The following ZNF780B variants were observed in gnomAD, a reference collection of about 807,000 sequenced individuals.
The protein encoded by ZNF780B is zinc finger protein 779.
Under a neutral mutation model 74.1 loss-of-function variants are expected in ZNF780B, and 52 were observed. That is an observed-to-expected ratio of 0.70 (90% CI 0.56 to 0.88). ZNF780B has a LOEUF of 0.88. Ranked by LOEUF, ZNF780B falls within the 40% of genes least tolerant of loss-of-function variation. The pLI is 0.00. For synonymous variants in ZNF780B, 315 were observed against 324.3 expected (o/e 0.97, Z 0.31); for missense variants, 953 against 1,007.6 (o/e 0.95, Z 0.73).
chr19:40,032,294 T>C lies in ZNF780B; in HGVS notation c.*2063A>G. 2.7e-6 allele frequency: 1 copy of C among 365,326 alleles called. No homozygotes were observed. The highest frequency in any genetic ancestry group is 2.2e-5 in the South Asian group (1 of 46,192). 22.6% of individuals were successfully genotyped at this position (365,326 alleles called of 1,614,324 possible). ...TAGGGCTACACTTCTGTAGGTTTAC[T>C]AAGTTCCACAGGGGATTCTGATACC... On this transcript the variant is annotated 3_prime_UTR_variant, in exon 5 of 5. Coordinates refer to ENST00000434248, the MANE Select transcript of ZNF780B (RefSeq NM_001005851.3).
intron 1 of ZNF780B, among the ~76,000 whole-genome samples, chr19:40,053,187 G>C (rs1179697759): frequency 3.3e-5 from 5 of 152,020 alleles, no homozygotes; most frequent in African/African-American, 7.2e-5. Context: ...ATCTAATAAG[G>C]GGTTAATATC....
chr19:40,041,414 T>C (rs1428876656), intron 4 of ZNF780B, among the ~76,000 whole-genome samples: 49 of 152,338 alleles, frequency 3.2e-4, no homozygotes, highest in Admixed American at 2.3e-3. Context: ...TGTAGATATC[T>C]ATTAGGTCTG....
At position 40,034,750 on chromosome 19, in the gene ZNF780B, C is replaced by CCTACACT; in HGVS notation, c.2102_2108dup (p.Lys704ValfsTer2). 6.2e-7 allele frequency: 1 copy of CCTACACT among 1,613,874 alleles called. No individual in the cohort carries two copies. The highest frequency in any genetic ancestry group is 8.5e-7 in the Non-Finnish European group (1 of 1,179,960). ...GCTGGTAATGATATCTAAAGGTCTT[C>CCTACACT]CTACACTCCTTACATACAAAGGGTT... On this transcript the variant is annotated stop_gained and frameshift_variant, in exon 5 of 5. Transcript: ENST00000434248. LOFTEE classifies it high-confidence loss of function.
chr19:40,056,169 C>G lies in ZNF780B; in HGVS notation c.-46+20G>C, dbSNP rs912307238. On this transcript the variant is annotated intron_variant, in intron 1 of 4. Transcript: ENST00000434248. Reference sequence around the variant, plus strand: ...ACCTCCCGCAGCCACCGATTTCTTCCTAGGACGTGAAGACCTTACCCAGCT... The same window carrying G: ...ACCTCCCGCAGCCACCGATTTCTTCGTAGGACGTGAAGACCTTACCCAGCT... 2 of 152,272 alleles carry G rather than the reference C, an allele frequency of 1.3e-5. No individual in the cohort carries two copies. Among genetic ancestry groups the G allele is most frequent in the South Asian group, 4.1e-4 (2 of 4,838 alleles). 9.4% of individuals were successfully genotyped at this position (152,272 alleles called of 1,614,324 possible). A position where few individuals can be genotyped will look rare whatever the true frequency, so the allele number is the denominator to read the frequency against.
chr19:40,040,447 C>G (rs368314009), intron 4 of ZNF780B, among the ~76,000 whole-genome samples: 1 of 152,184 alleles, frequency 6.6e-6, no homozygotes, highest in Non-Finnish European at 1.5e-5. Context: ...GGAGGATTCC[C>G]TCTTTTTCTA....
intron 1 of ZNF780B, 97 bp from the exon 2 acceptor site, chr19:40,050,474 A>C: frequency 8.4e-7 from 1 of 1,188,466 alleles, no homozygotes. Context: ...TTTCTCAACT[A>C]CTCCTGCTCA....
chr19:40,054,616 G>C (rs1427307313), intron 1 of ZNF780B, among the ~76,000 whole-genome samples: 1 of 152,184 alleles, frequency 6.6e-6, no homozygotes, highest in Non-Finnish European at 1.5e-5. Context: ...TATTCCCAAT[G>C]CTCCTGTCCT....
chr19:40,049,248 A>G (rs533640123), intron 2 of ZNF780B, among the ~76,000 whole-genome samples: 1 of 151,438 alleles, frequency 6.6e-6, no homozygotes, highest in South Asian at 2.1e-4. Flanking sequence ...AAAAAAAAAA[A>G]AAAAAAAAAA....
rs370134508 is a variant in ZNF780B at position 40,050,351 on chromosome 19, T to C, written c.-19A>G. 19 of 1,592,650 alleles carry C rather than the reference T, an allele frequency of 1.2e-5. No homozygotes were observed. The highest frequency in any genetic ancestry group is 1.7e-4 in the Middle Eastern group (1 of 6,058). Reference sequence around the variant, plus strand: ...GGACCATGTTTCTAGAATTACAAAATTGGTCAATCTTCCTCGGGCTTCTCC... The same window carrying C: ...GGACCATGTTTCTAGAATTACAAAACTGGTCAATCTTCCTCGGGCTTCTCC... On this transcript the variant is annotated 5_prime_UTR_variant, in exon 2 of 5. Coordinates refer to ENST00000434248, the MANE Select transcript of ZNF780B (RefSeq NM_001005851.3).
chr19:40,054,871 G>A (rs1973413465), intron 1 of ZNF780B, among the ~76,000 whole-genome samples: 1 of 152,114 alleles, frequency 6.6e-6, no homozygotes, highest in Admixed American at 6.5e-5. Flanking sequence ...CACACAAATA[G>A]CCCAAAATGC....
intron 1 of ZNF780B, among the ~76,000 whole-genome samples, chr19:40,053,103 C>T (rs532652381): frequency 6.6e-6 from 1 of 152,134 alleles, no homozygotes; most frequent in East Asian, 1.9e-4. Context: ...GAAATTACAT[C>T]AAGCTAAAAA....
chr19:40,048,955 G>A (rs1973074539), intron 2 of ZNF780B, 159 bp from the exon 3 acceptor site: 2 of 1,187,412 alleles, frequency 1.7e-6, no homozygotes, highest in South Asian at 3.1e-5. Context: ...CTGGTGTGGT[G>A]GCTCATGCCT....
intron 2 of ZNF780B, 28 bp from the exon 3 acceptor site, chr19:40,048,824 T>G: frequency 6.2e-7 from 1 of 1,611,650 alleles, no homozygotes; most frequent in Non-Finnish European, 8.5e-7. Flanking sequence ...TGGATTATGG[T>G]GAAATTGAAG....
chr19:40,031,858 C>CTTACAACGTCTCT lies in ZNF780B; in HGVS notation c.*2498_*2499insAGAGACGTTGTAA, dbSNP rs1972015618. On this transcript the variant is annotated 3_prime_UTR_variant, in exon 5 of 5. Coordinates refer to ENST00000434248, the MANE Select transcript of ZNF780B (RefSeq NM_001005851.3). ...ACAACGTCTCTCCATAGATTACTTA[C>CTTACAACGTCTCT]CCACTACAAACTAAATCTTTACAAT... is the stretch of plus-strand genomic sequence containing the variant. The CTTACAACGTCTCT allele has an allele frequency of 3.5e-6, 1 of 282,648 alleles. No homozygotes were observed. Among genetic ancestry groups the CTTACAACGTCTCT allele is most frequent in the Non-Finnish European group, 7.1e-6 (1 of 140,168 alleles). The allele number at this position is 282,648 out of a possible 1,614,324, so 17.5% of individuals were successfully genotyped here. A position where few individuals can be genotyped will look rare whatever the true frequency, so the allele number is the denominator to read the frequency against.
intron 4 of ZNF780B, among the ~76,000 whole-genome samples, chr19:40,039,171 C>T (rs1972507696): frequency 6.6e-6 from 1 of 152,046 alleles, no homozygotes; most frequent in Non-Finnish European, 1.5e-5. Context: ...AATAGGGAAT[C>T]CTTTCCCCAT....
chr19:40,054,523 A>G (rs746594106), intron 1 of ZNF780B, among the ~76,000 whole-genome samples: 5 of 152,182 alleles, frequency 3.3e-5, no homozygotes, highest in South Asian at 2.1e-4. Context: ...TTATCTGTCA[A>G]TTTAAAAAGA....
intron 3 of ZNF780B, 91 bp downstream of exon 3, chr19:40,048,579 T>A: frequency 6.3e-7 from 1 of 1,595,458 alleles, no homozygotes; most frequent in South Asian, 1.1e-5. Context: ...GGAATCCAAC[T>A]ACCTCTTAAA....
chr19:40,043,729 G>T (rs1209458422), intron 4 of ZNF780B, among the ~76,000 whole-genome samples: 1 of 152,248 alleles, frequency 6.6e-6, no homozygotes, highest in African/African-American at 2.4e-5. Flanking sequence ...TAATCTCCTG[G>T]TGTGCCGTTT....
At chr19:40,045,264 G>C (rs1204097883) in intron 4 of ZNF780B, among the ~76,000 whole-genome samples, 2 of 152,132 alleles carry the variant, frequency 1.3e-5, no homozygotes, top group Non-Finnish European at 2.9e-5. Flanking sequence ...ACGTCACTGT[G>C]CCACTCTCAG....
Sources: gnomAD v4.1 joint callset for allele counts (sites outside exome capture counted in the v4.1 genomes callset) on GRCh38, gnomAD v4.1.1 for gene constraint, MANE v1.5 for transcripts, NCBI Gene and HGNC (gene_info 2026-07-23, HGNC 2026-07-21) for gene names.